Variants in GALNT16 observed in about 807,000 individuals in gnomAD.
GALNT16 encodes polypeptide N-acetylgalactosaminyltransferase 16.
In GALNT16, 40 loss-of-function variants were observed where a neutral mutation model predicts 76.1. The observed-to-expected ratio is 0.53, with a 90% confidence interval of 0.41 to 0.68. The LOEUF is 0.68. Among genes scored for constraint, GALNT16 ranks in the 30% least tolerant of loss-of-function variants. GALNT16 has a pLI of 0.00. For synonymous variants in GALNT16, 276 were observed against 285.2 expected (o/e 0.97, Z 0.32); for missense variants, 621 against 731.9 (o/e 0.85, Z 1.75).
chr14:69,273,701 A>G (rs982822751), intron 1 of GALNT16, among the ~76,000 whole-genome samples: 11 of 152,302 alleles, frequency 7.2e-5, no homozygotes, highest in African/African-American at 2.6e-4. Flanking sequence ...AGCTAAGGAG[A>G]TGTGTGACAT....
rs375602500 is a variant in GALNT16 at position 69,341,681 on chromosome 14, T to C, written c.1188T>C (p.Ser396=). The C allele has an allele frequency of 3.5e-5, 57 of 1,608,322 alleles. No homozygotes were observed. The highest frequency in any genetic ancestry group is 4.4e-5 in the Non-Finnish European group (52 of 1,176,192). Reference sequence around the variant, plus strand: ...GCCCAAGCCCTGCCTCCTCCTACAGTGTGGCTACGCGGATAGAGCAGAGGA... The same window carrying C: ...GCCCAAGCCCTGCCTCCTCCTACAGCGTGGCTACGCGGATAGAGCAGAGGA... The part of the protein sequence containing the change: ...RPSAIGKAFG[S]VATRIEQRKK... The change falls in exon 12 of 15, where the codon AGT becomes AGC. Residue 396 remains serine (S), a splice_region_variant and synonymous_variant. Transcript: ENST00000448469.
At chr14:69,368,071 G>A in the GALNT16 span, among the ~76,000 whole-genome samples, 1 of 152,194 alleles carries the variant, frequency 6.6e-6, no homozygotes, top group East Asian at 1.9e-4. Context: ...TATGAAAAAC[G>A]TCCTCTTCCA....
chr14:69,275,197 G>T (rs550929849), intron 1 of GALNT16, among the ~76,000 whole-genome samples: 1 of 152,230 alleles, frequency 6.6e-6, no homozygotes, highest in African/African-American at 2.4e-5. Flanking sequence ...GACTAGAAGG[G>T]TGCAGCCTGG....
chr14:69,365,673 C>T, the GALNT16 span, among the ~76,000 whole-genome samples: 2 of 152,132 alleles, frequency 1.3e-5, no homozygotes, highest in African/African-American at 4.8e-5. Context: ...TCAATGGATG[C>T]TGGGCTTAAT....
intron 12 of GALNT16, among the ~76,000 whole-genome samples, chr14:69,345,626 A>G (rs540274590): frequency 4.6e-5 from 7 of 151,884 alleles, no homozygotes; most frequent in Non-Finnish European, 1.0e-4. Flanking sequence ...AAGAACGAAC[A>G]TAACCTGAAC....
chr14:69,304,776 T>G (rs568388658), intron 1 of GALNT16, among the ~76,000 whole-genome samples: 56 of 152,374 alleles, frequency 3.7e-4, no homozygotes, highest in African/African-American at 1.3e-3. Flanking sequence ...CCAAGGTTCA[T>G]CTGTGTTGTT....
At chr14:69,329,395 T>G (rs2140176098) in intron 6 of GALNT16, among the ~76,000 whole-genome samples, 1 of 152,258 alleles carries the variant, frequency 6.6e-6, no homozygotes, top group East Asian at 1.9e-4. Context: ...GTAGACATTT[T>G]TTCAAGGAAG....
intron 1 of GALNT16, among the ~76,000 whole-genome samples, chr14:69,292,340 T>A (rs2044697266): frequency 6.6e-6 from 1 of 152,256 alleles, no homozygotes. Flanking sequence ...TTATGAACTC[T>A]GTCCTGAGAC....
chr14:69,384,837 G>GT, the GALNT16 span, among the ~76,000 whole-genome samples: 1 of 152,106 alleles, frequency 6.6e-6, no homozygotes, highest in Non-Finnish European at 1.5e-5. Flanking sequence ...CACATTATTG[G>GT]TAATTTCATA....
At chr14:69,278,932 A>AT (rs532468111) in intron 1 of GALNT16, among the ~76,000 whole-genome samples, 9,482 of 143,954 alleles carry the variant, frequency 0.066, 464 homozygotes, top group East Asian at 0.26. Flanking sequence ...CTTTACCTTA[A>AT]TTTTTTTTTT....
intron 1 of GALNT16, among the ~76,000 whole-genome samples, chr14:69,289,417 A>G (rs1250623119): frequency 6.6e-6 from 1 of 152,144 alleles, no homozygotes; most frequent in Non-Finnish European, 1.5e-5. Context: ...CTGTGGTCAA[A>G]ACTTTTGAAG....
At chr14:69,338,833 C>A in intron 10 of GALNT16, 56 bp downstream of exon 10, 2 of 1,425,178 alleles carry the variant, frequency 1.4e-6, no homozygotes, top group Non-Finnish European at 1.9e-6. Flanking sequence ...GGCCCAAGCC[C>A]CCAGCCTTGC....
chr14:69,310,995 G>A (rs1163352133), intron 1 of GALNT16, among the ~76,000 whole-genome samples: 5 of 152,182 alleles, frequency 3.3e-5, no homozygotes, highest in South Asian at 2.1e-4. Context: ...GATAAAATGC[G>A]GGCTACAGGG....
chr14:69,385,201 C>G, the GALNT16 span, among the ~76,000 whole-genome samples: 2 of 152,160 alleles, frequency 1.3e-5, no homozygotes, highest in Non-Finnish European at 2.9e-5. Context: ...CTGTAACCAT[C>G]CAGGTGAGAG....
chr14:69,383,660 G>A, the GALNT16 span, among the ~76,000 whole-genome samples: 1 of 152,060 alleles, frequency 6.6e-6, no homozygotes, highest in Non-Finnish European at 1.5e-5. Context: ...GATAATTTAC[G>A]GTTTTTAACA....
At chr14:69,299,525 C>G (rs541244195) in intron 1 of GALNT16, among the ~76,000 whole-genome samples, 1 of 152,104 alleles carries the variant, frequency 6.6e-6, no homozygotes, top group Non-Finnish European at 1.5e-5. Flanking sequence ...CAGCCTCATC[C>G]GTAAGGTGGG....
chr14:69,317,681 A>G (rs1251745436), intron 1 of GALNT16, among the ~76,000 whole-genome samples: 1 of 152,204 alleles, frequency 6.6e-6, no homozygotes, highest in East Asian at 1.9e-4. Context: ...GATTTTGTGA[A>G]TTCATGACTT....
chr14:69,315,948 T>A (rs1458810300), intron 1 of GALNT16, among the ~76,000 whole-genome samples: 1 of 152,074 alleles, frequency 6.6e-6, no homozygotes, highest in Non-Finnish European at 1.5e-5. Flanking sequence ...CGCTTGGCAG[T>A]GCTGGCAAAA....
At chr14:69,289,631 C>T (rs896771121) in intron 1 of GALNT16, among the ~76,000 whole-genome samples, 7 of 151,936 alleles carry the variant, frequency 4.6e-5, no homozygotes, top group African/African-American at 1.7e-4. Context: ...CCTGGATGCT[C>T]CACCAGGAGT....
Sources: allele counts gnomAD v4.1 joint callset (sites outside exome capture counted in the v4.1 genomes callset), GRCh38; gene constraint gnomAD v4.1.1; transcripts MANE v1.5; gene names NCBI Gene and HGNC (gene_info 2026-07-23, HGNC 2026-07-21).